Variants in FRMD6 observed in about 807,000 individuals in gnomAD.
FRMD6 encodes FERM domain containing 6.
FRMD6 carries 37 observed loss-of-function variants against 73.2 expected under a neutral mutation model. The observed-to-expected ratio is 0.51, with a 90% CI of 0.39 to 0.66. The LOEUF (loss-of-function observed/expected upper bound fraction) is 0.66. Among genes scored for constraint, FRMD6 ranks in the 30% least tolerant of loss-of-function variants. FRMD6 has a pLI of 0.00. For synonymous variants in FRMD6, 273 were observed against 282.2 expected (o/e 0.97, Z 0.33); for missense variants, 714 against 780.5 (o/e 0.91, Z 1.02).
At chr14:51,573,687 G>T (rs779879759) in intron 2 of FRMD6, among the ~76,000 whole-genome samples, 2 of 152,142 alleles carry the variant, frequency 1.3e-5, no homozygotes, top group Non-Finnish European at 2.9e-5. Context: ...TGGTGATGAA[G>T]ACAGTCCCCG....
the FRMD6 span, among the ~76,000 whole-genome samples, chr14:51,480,029 T>G: frequency 6.6e-6 from 1 of 152,162 alleles, no homozygotes; most frequent in Non-Finnish European, 1.5e-5. Flanking sequence ...CAGTGAAAAG[T>G]CTGGTAGCAG....
the FRMD6 span, among the ~76,000 whole-genome samples, chr14:51,399,248 A>G: frequency 2.6e-5 from 4 of 152,252 alleles, no homozygotes; most frequent in South Asian, 4.2e-4. Flanking sequence ...CTCCCCGTCT[A>G]TCTTTATGCA....
At chr14:51,594,015 G>A (rs779069396) in intron 2 of FRMD6, among the ~76,000 whole-genome samples, 4 of 152,012 alleles carry the variant, frequency 2.6e-5, no homozygotes, top group Non-Finnish European at 5.9e-5. Context: ...AACAGAACAG[G>A]GTGTGTGAAA....
At chr14:51,719,578 T>TA (rs1425096820) in intron 10 of FRMD6, among the ~76,000 whole-genome samples, 1 of 152,262 alleles carries the variant, frequency 6.6e-6, no homozygotes, top group African/African-American at 2.4e-5. Context: ...ATTTATTAAG[T>TA]AGTCTTCTAG....
chr14:51,726,864 CA>C (rs1210783905), intron 13 of FRMD6, among the ~76,000 whole-genome samples: 12 of 152,162 alleles, frequency 7.9e-5, no homozygotes, highest in Admixed American at 6.5e-5. Context: ...TTGCCTCTAG[CA>C]AAAATTGTAT....
intron 2 of FRMD6, chr14:51,692,819 C>T (rs1295577297): frequency 6.6e-6 from 1 of 152,050 alleles, no homozygotes; most frequent in African/African-American, 2.4e-5. Context: ...CAGGGTCAGG[C>T]CTGGTTAGTA....
chr14:51,544,302 T>C (rs1886349310), intron 1 of FRMD6, among the ~76,000 whole-genome samples: 1 of 152,074 alleles, frequency 6.6e-6, no homozygotes, highest in Non-Finnish European at 1.5e-5. Context: ...TAAAATTCTG[T>C]ATTATTTCTT....
rs892465238 is a variant in FRMD6 at position 51,730,069 on chromosome 14, C to T, written c.*2040C>T. On this transcript the variant is annotated 3_prime_UTR_variant, in exon 14 of 14. Coordinates refer to ENST00000344768, the MANE Select transcript of FRMD6 (RefSeq NM_001267046.2). ...TGGTGAGGTTTGTACTCTAAGGAGC[C>T]CAGATCATAATGCAGTGCATTTCCT... 1 of 152,036 alleles carries T rather than the reference C, an allele frequency of 6.6e-6. No homozygotes were observed. Among genetic ancestry groups the T allele is most frequent in the Non-Finnish European group, 1.5e-5 (1 of 68,008 alleles). The allele number at this position is 152,036 out of a possible 1,614,324, so 9.4% of individuals were successfully genotyped here.
At chr14:51,546,409 T>TC in intron 1 of FRMD6, among the ~76,000 whole-genome samples, 1 of 151,610 alleles carries the variant, frequency 6.6e-6, no homozygotes, top group South Asian at 2.1e-4. Flanking sequence ...TTTTTTTTCT[T>TC]TTTTTAAATA....
At chr14:51,555,189 C>T (rs1449349885) in intron 1 of FRMD6, among the ~76,000 whole-genome samples, 1 of 152,180 alleles carries the variant, frequency 6.6e-6, no homozygotes, top group Non-Finnish European at 1.5e-5. Flanking sequence ...ACTTCCTGGG[C>T]TTTCTAGATG....
chr14:51,550,935 C>T (rs557487328), intron 1 of FRMD6, among the ~76,000 whole-genome samples: 1 of 152,278 alleles, frequency 6.6e-6, no homozygotes, highest in East Asian at 1.9e-4. Context: ...TTGCTGGTCC[C>T]GGGTACCACC....
chr14:51,669,564 G>C (rs913500875), intron 1 of FRMD6, among the ~76,000 whole-genome samples: 2 of 152,184 alleles, frequency 1.3e-5, no homozygotes, highest in Non-Finnish European at 2.9e-5. Flanking sequence ...CAGGTGTGTA[G>C]TGGTACCTGA....
the FRMD6 span, among the ~76,000 whole-genome samples, chr14:51,439,523 T>C: frequency 6.6e-6 from 1 of 152,212 alleles, no homozygotes. Context: ...AAGGTTGGCT[T>C]TGGGTTTTTA....
chr14:51,631,534 G>A (rs1891336443), intron 2 of FRMD6, among the ~76,000 whole-genome samples: 1 of 152,164 alleles, frequency 6.6e-6, no homozygotes, highest in African/African-American at 2.4e-5. Flanking sequence ...TCATGCTTAG[G>A]TAGAGAAGGT....
At chr14:51,494,388 TC>T (rs1883179013) in intron 1 of FRMD6, among the ~76,000 whole-genome samples, 2 of 152,064 alleles carry the variant, frequency 1.3e-5, no homozygotes, top group African/African-American at 4.8e-5. Flanking sequence ...ACATTCCCAA[TC>T]CAAAAAGGAA....
chr14:51,667,569 T>C (rs991154718), intron 1 of FRMD6, among the ~76,000 whole-genome samples: 13 of 152,184 alleles, frequency 8.5e-5, no homozygotes, highest in Admixed American at 8.5e-4. Context: ...TTGCATAGTT[T>C]AGTGACATAC....
chr14:51,501,319 G>T (rs1334692301), intron 1 of FRMD6, among the ~76,000 whole-genome samples: 1 of 152,060 alleles, frequency 6.6e-6, no homozygotes, highest in Non-Finnish European at 1.5e-5. Context: ...CGTCACCTAG[G>T]TATTAAGCCC....
At chr14:51,443,421 G>A in the FRMD6 span, among the ~76,000 whole-genome samples, 75 of 152,322 alleles carry the variant, frequency 4.9e-4, no homozygotes, top group African/African-American at 1.7e-3. Context: ...ATGAGGCAGC[G>A]TGTTAATTCA....
chr14:51,444,479 T>G, the FRMD6 span, among the ~76,000 whole-genome samples: 1 of 152,228 alleles, frequency 6.6e-6, no homozygotes, highest in Non-Finnish European at 1.5e-5. Context: ...CTGTTTTCCC[T>G]GGACAGTCTG....
Sources: allele counts gnomAD v4.1 joint callset (sites outside exome capture counted in the v4.1 genomes callset), GRCh38; gene constraint gnomAD v4.1.1; transcripts MANE v1.5; gene names NCBI Gene and HGNC (gene_info 2026-07-23, HGNC 2026-07-21).